The following BMPR1A variants were observed in gnomAD, a reference collection of about 807,000 sequenced individuals.
The protein encoded by BMPR1A is bone morphogenetic protein receptor type-1A.
A neutral mutation model predicts 66.0 loss-of-function variants in BMPR1A; 7 were observed. The ratio of observed to expected loss-of-function variants is 0.11; its 90% CI spans 0.06 to 0.20. The LOEUF (loss-of-function observed/expected upper bound fraction) is 0.20, where lower values mean the gene tolerates loss of function less well. Among genes scored for constraint, BMPR1A ranks in the 10% least tolerant of loss-of-function variants. The probability of loss-of-function intolerance (pLI) is 1.00; values close to 1 mark genes in which losing one functional copy is unlikely to be tolerated. For synonymous variants in BMPR1A, 200 were observed against 229.7 expected (o/e 0.87, Z 1.17); for missense variants, 408 against 669.1 (o/e 0.61, Z 4.31).
Position 86,825,015 on chromosome 10 carries a change from T to C in BMPR1A, c.-267-13850T>C, listed in dbSNP as rs1344108598. Among the ~76,000 whole-genome samples, 5 of 152,050 alleles carry C rather than the reference T, an allele frequency of 3.3e-5. No homozygotes were observed. In the East Asian group the frequency reaches 9.6e-4, roughly 29 times the overall value. On this transcript the variant is annotated intron_variant, in intron 1 of 12. Transcript: ENST00000372037. The stretch of plus-strand genomic sequence containing the variant: ...AATAAATTTTAACGTACACTATTAA[T>C]AGGACATTTAGAAATGTAATTTTCT...
chr10:86,909,796 A>G (rs187036983), intron 7 of BMPR1A, among the ~76,000 whole-genome samples: 1 of 152,246 alleles, frequency 6.6e-6, no homozygotes, highest in Admixed American at 6.5e-5. Context: ...ATTAAGTTCT[A>G]TAAATATAAA....
intron 7 of BMPR1A, among the ~76,000 whole-genome samples, chr10:86,910,304 C>G (rs960902510): frequency 1.3e-5 from 2 of 152,084 alleles, no homozygotes; most frequent in South Asian, 4.2e-4. Context: ...CGCCATTGCA[C>G]TCCAGCCTGG....
At chr10:86,855,937 G>A in intron 2 of BMPR1A, 1 of 641,120 alleles carries the variant, frequency 1.6e-6, no homozygotes, top group Non-Finnish European at 2.9e-6. Context: ...ATGTTTTAAT[G>A]GCTTTACTGC....
At chr10:86,817,709 G>C (rs1269085932) in intron 1 of BMPR1A, among the ~76,000 whole-genome samples, 1 of 152,116 alleles carries the variant, frequency 6.6e-6, no homozygotes, top group East Asian at 1.9e-4. Flanking sequence ...GATTGAATGA[G>C]TAATCAAAAA....
chr10:86,797,996 TACTTAAG>T (rs567493047), intron 1 of BMPR1A, among the ~76,000 whole-genome samples: 104 of 152,340 alleles, frequency 6.8e-4, no homozygotes, highest in Middle Eastern at 6.8e-3. Context: ...TTGAATCTTT[TACTTAAG>T]ACTGTGTTCA....
At chr10:86,904,017 C>T (rs994088758) in intron 7 of BMPR1A, among the ~76,000 whole-genome samples, 25 of 152,194 alleles carry the variant, frequency 1.6e-4, no homozygotes, top group African/African-American at 5.8e-4. Context: ...GATTCTCGTG[C>T]TTCAGCTTCC....
At chr10:86,877,943 A>C (rs1842940327) in intron 3 of BMPR1A, among the ~76,000 whole-genome samples, 1 of 152,252 alleles carries the variant, frequency 6.6e-6, no homozygotes, top group African/African-American at 2.4e-5. Flanking sequence ...GTAATTAGTT[A>C]CTACGTAAAA....
intron 3 of BMPR1A, among the ~76,000 whole-genome samples, chr10:86,880,956 C>A (rs986702913): frequency 6.6e-6 from 1 of 152,130 alleles, no homozygotes; most frequent in African/African-American, 2.4e-5. Flanking sequence ...CATGCCAACA[C>A]TTGGGAGGCC....
intron 1 of BMPR1A, among the ~76,000 whole-genome samples, chr10:86,796,554 G>A (rs1034721415): frequency 4.6e-5 from 7 of 150,814 alleles, no homozygotes; most frequent in African/African-American, 1.2e-4. Flanking sequence ...AGTAGGTGCT[G>A]TATTTTCTTT....
At chr10:86,884,902 G>A (rs968207779) in intron 3 of BMPR1A, among the ~76,000 whole-genome samples, 6 of 152,088 alleles carry the variant, frequency 3.9e-5, no homozygotes, top group Admixed American at 6.5e-5. Context: ...ACTGATTTAT[G>A]CAGTTTTTAT....
chr10:86,848,801 T>G (rs933108760), intron 2 of BMPR1A, among the ~76,000 whole-genome samples: 4 of 152,218 alleles, frequency 2.6e-5, no homozygotes, highest in Non-Finnish European at 4.4e-5. Context: ...CTGTAATTTT[T>G]CCAGCAACCC....
intron 11 of BMPR1A, 26 bp downstream of exon 11, chr10:86,921,721 A>T (rs1486321796): frequency 6.2e-7 from 1 of 1,614,078 alleles, no homozygotes; most frequent in African/African-American, 1.3e-5. Context: ...GTTTCTGATT[A>T]TGTTGATTTA....
intron 7 of BMPR1A, among the ~76,000 whole-genome samples, chr10:86,911,801 A>T (rs1843491001): frequency 6.6e-6 from 1 of 152,190 alleles, no homozygotes; most frequent in African/African-American, 2.4e-5. Flanking sequence ...AGAAAAAAAA[A>T]AGCTGAACTG....
intron 1 of BMPR1A, among the ~76,000 whole-genome samples, chr10:86,766,211 C>T (rs915531471): frequency 3.3e-5 from 5 of 151,982 alleles, no homozygotes; most frequent in Admixed American, 1.3e-4. Context: ...AGGCTGGTCT[C>T]GAACTCCTGG....
chr10:86,889,092 G>A (rs1431124121), intron 3 of BMPR1A, among the ~76,000 whole-genome samples: 1 of 152,076 alleles, frequency 6.6e-6, no homozygotes, highest in Non-Finnish European at 1.5e-5. Flanking sequence ...CACAAAGAAT[G>A]GCCTAGCTGA....
rs542075322 is a variant in BMPR1A at position 86,840,321 on chromosome 10, A to C, written c.-153+1342A>C. Reference sequence around the variant, plus strand: ...GCTGGATTAGATCTTCTAAAAAATAACGTAACTCTCGAATTCTTTTGTTAG... The same window carrying C: ...GCTGGATTAGATCTTCTAAAAAATACCGTAACTCTCGAATTCTTTTGTTAG... On this transcript the variant is annotated intron_variant, in intron 2 of 12. Coordinates refer to ENST00000372037, the MANE Select transcript of BMPR1A (RefSeq NM_004329.3). 1.2e-4 allele frequency among the ~76,000 whole-genome samples: 18 copies of C among 152,286 alleles called. No homozygotes were observed. The East Asian group carries it at 1.3e-3, about 11-fold the overall frequency.
intron 1 of BMPR1A, among the ~76,000 whole-genome samples, chr10:86,834,295 G>A (rs1564698572): frequency 6.6e-6 from 1 of 152,198 alleles, no homozygotes; most frequent in South Asian, 2.1e-4. Context: ...AGTCTCTTCT[G>A]TAGTTCAGGT....
chr10:86,898,224 TAAAGA>T (rs1384757501), intron 5 of BMPR1A, among the ~76,000 whole-genome samples: 3 of 151,464 alleles, frequency 2.0e-5, no homozygotes, highest in Non-Finnish European at 4.4e-5. Flanking sequence ...CTTTCCCTTT[TAAAGA>T]AAAGGGACGT....
Position 86,850,139 on chromosome 10 carries a change from G to A in BMPR1A, c.-153+11160G>A, listed in dbSNP as rs543088931. Among the ~76,000 whole-genome samples, 6 of 152,132 alleles carry A rather than the reference G, an allele frequency of 3.9e-5. No individual in the cohort carries two copies. In the East Asian group the frequency reaches 1.2e-3, roughly 30 times the overall value. On this transcript the variant is annotated intron_variant, in intron 2 of 12. Coordinates refer to ENST00000372037, the MANE Select transcript of BMPR1A (RefSeq NM_004329.3). ...AGTTTGAGACCAGCCTGGCCAATAT[G>A]GTGAAACCCCATCTCTACTAAAAAT...
Sources: gnomAD v4.1 joint callset for allele counts (sites outside exome capture counted in the v4.1 genomes callset) on GRCh38, gnomAD v4.1.1 for gene constraint, MANE v1.5 for transcripts, NCBI Gene and HGNC (gene_info 2026-07-23, HGNC 2026-07-21) for gene names.